The following CDH13 variants were observed in gnomAD, a reference collection of about 807,000 sequenced individuals.
CDH13 encodes cadherin 13.
CDH13 carries 24 observed loss-of-function variants against 63.8 expected under a neutral mutation model. That is an observed-to-expected ratio of 0.38 (90% CI 0.27 to 0.53). The LOEUF (loss-of-function observed/expected upper bound fraction) is 0.53. Ranked by LOEUF, CDH13 falls within the 20% of genes least tolerant of loss-of-function variation. The pLI is 0.85. For missense variants in CDH13, 1,049 were observed against 903.1 expected, an observed-to-expected ratio of 1.16 and a Z score of -2.07; for synonymous variants, 503 against 355.3, an observed-to-expected ratio of 1.42 and a Z score of -4.67.
intron 10 of CDH13, among the ~76,000 whole-genome samples, chr16:83,696,490 C>G (rs1173656169): frequency 2.0e-5 from 3 of 152,148 alleles, no homozygotes; most frequent in Non-Finnish European, 4.4e-5. Flanking sequence ...CTGGATCCAC[C>G]TGGAACTCCC....
At chr16:83,602,104 C>CAAAAA (rs1567797536) in intron 7 of CDH13, among the ~76,000 whole-genome samples, 3 of 3,722 alleles carry the variant, frequency 8.1e-4, no homozygotes, top group Non-Finnish European at 1.3e-3. Context: ...AAAAGAACAA[C>CAAAAA]AACAAAAAAA....
intron 3 of CDH13, among the ~76,000 whole-genome samples, chr16:83,114,586 A>G (rs980976419): frequency 1.3e-5 from 2 of 152,208 alleles, no homozygotes; most frequent in South Asian, 2.1e-4. Flanking sequence ...TTATCAGCAT[A>G]ATTCTATACA....
At chr16:83,448,200 C>T (rs1443614236) in intron 6 of CDH13, among the ~76,000 whole-genome samples, 1 of 151,876 alleles carries the variant, frequency 6.6e-6, no homozygotes, top group Non-Finnish European at 1.5e-5. Context: ...CTGAGTCTAG[C>T]TATCTGGAGT....
rs552717425 is a variant in CDH13 at position 83,786,478 on chromosome 16, T to G, written c.2134+3006T>G. ...TGGGGAATGGTAATGAATGGACGCA[T>G]GGACAGACAGATGGATAAATGAAAG... On this transcript the variant is annotated intron_variant, in intron 13 of 13. Transcript: ENST00000567109. Among the ~76,000 whole-genome samples the G allele has an allele frequency of 1.7e-4, 26 of 152,318 alleles. No homozygotes were observed. The South Asian group carries it at 4.6e-3, about 27-fold the overall frequency.
At chr16:83,733,297 C>A (rs1467081618) in intron 10 of CDH13, among the ~76,000 whole-genome samples, 1 of 152,226 alleles carries the variant, frequency 6.6e-6, no homozygotes. Context: ...CGTGAGCGCA[C>A]ACTGGACTCG....
chr16:83,538,634 C>A (rs1454152570), intron 7 of CDH13, among the ~76,000 whole-genome samples: 1 of 152,110 alleles, frequency 6.6e-6, no homozygotes, highest in African/African-American at 2.4e-5. Context: ...AGATTGGCAT[C>A]GACTTAGTAG....
chr16:83,599,299 C>T (rs2150746737), intron 7 of CDH13, among the ~76,000 whole-genome samples: 1 of 152,332 alleles, frequency 6.6e-6, no homozygotes, highest in African/African-American at 2.4e-5. Flanking sequence ...ACCCTAGTCT[C>T]CCAATTTGCT....
chr16:83,588,847 G>C (rs1215431873), intron 7 of CDH13, among the ~76,000 whole-genome samples: 1 of 152,224 alleles, frequency 6.6e-6, no homozygotes, highest in Non-Finnish European at 1.5e-5. Context: ...AGGTGGGCGA[G>C]GAATGAGGTG....
At chr16:82,846,946 C>T (rs969855036) in intron 1 of CDH13, among the ~76,000 whole-genome samples, 4 of 152,080 alleles carry the variant, frequency 2.6e-5, no homozygotes, top group African/African-American at 7.2e-5. Context: ...TTATTTATGC[C>T]AAGGAGAGGA....
intron 8 of CDH13, among the ~76,000 whole-genome samples, chr16:83,643,197 TG>T (rs1911455875): frequency 1.5e-5 from 1 of 68,304 alleles, no homozygotes; most frequent in African/African-American, 6.9e-5. Flanking sequence ...GACACATTAG[TG>T]GGTGCAGCGC....
intron 5 of CDH13, among the ~76,000 whole-genome samples, chr16:83,339,480 A>G (rs59458867): frequency 0.011 from 1,616 of 152,272 alleles, 16 homozygotes; most frequent in Middle Eastern, 0.031. Flanking sequence ...CCAGCTTTGT[A>G]TCAGACACTT....
At chr16:82,883,861 T>C (rs183460016) in intron 2 of CDH13, among the ~76,000 whole-genome samples, 76 of 152,324 alleles carry the variant, frequency 5.0e-4, no homozygotes, top group African/African-American at 1.7e-3. Context: ...CATAACAGAA[T>C]GCTGAAGAGC....
intron 2 of CDH13, among the ~76,000 whole-genome samples, chr16:82,955,814 T>C (rs992655433): frequency 2.0e-5 from 3 of 152,218 alleles, no homozygotes; most frequent in African/African-American, 7.2e-5. Flanking sequence ...TGCTCTAAAA[T>C]GTCACACAAG....
intron 1 of CDH13, among the ~76,000 whole-genome samples, chr16:82,754,618 C>T (rs2151074385): frequency 6.6e-6 from 1 of 152,270 alleles, no homozygotes; most frequent in Non-Finnish European, 1.5e-5. Context: ...AGGGCATTGT[C>T]TGTTCAGGGC....
At chr16:82,831,687 C>G (rs1198539605) in intron 1 of CDH13, among the ~76,000 whole-genome samples, 2 of 152,188 alleles carry the variant, frequency 1.3e-5, no homozygotes, top group African/African-American at 4.8e-5. Context: ...AACAAATTCT[C>G]AGATACAAAT....
At chr16:82,686,024 C>T (rs956968193) in intron 1 of CDH13, among the ~76,000 whole-genome samples, 2 of 152,060 alleles carry the variant, frequency 1.3e-5, no homozygotes, top group Non-Finnish European at 2.9e-5. Context: ...CTGCATTATC[C>T]CTAGTGAATT....
intron 1 of CDH13, among the ~76,000 whole-genome samples, chr16:82,729,702 G>A (rs554932181): frequency 1.3e-5 from 2 of 152,272 alleles, no homozygotes; most frequent in South Asian, 2.1e-4. Context: ...TAACAAGAGA[G>A]TCAGCCTGTC....
intron 4 of CDH13, among the ~76,000 whole-genome samples, chr16:83,184,955 T>C (rs2038472179): frequency 6.6e-6 from 1 of 152,008 alleles, no homozygotes. Context: ...TTCTCTTTGA[T>C]TTTTTAAATA....
intron 5 of CDH13, among the ~76,000 whole-genome samples, chr16:83,271,303 G>A (rs80184675): frequency 0.078 from 11,795 of 150,548 alleles, 506 homozygotes; most frequent in East Asian, 0.15. Flanking sequence ...TGAGTCTTAC[G>A]GATAAGTGAT....
Sources: gnomAD v4.1 joint callset for allele counts (sites outside exome capture counted in the v4.1 genomes callset) on GRCh38, gnomAD v4.1.1 for gene constraint, MANE v1.5 for transcripts, NCBI Gene and HGNC (gene_info 2026-07-23, HGNC 2026-07-21) for gene names.